DCC: variants seen among roughly 807,000 people sequenced by gnomAD.
DCC encodes DCC netrin 1 receptor.
In DCC, 58 loss-of-function variants were observed where a neutral mutation model predicts 172.5. The observed-to-expected ratio is 0.34, with a 90% confidence interval of 0.27 to 0.42. The LOEUF (loss-of-function observed/expected upper bound fraction) is 0.42, where lower values mean the gene tolerates loss of function less well. Among genes scored for constraint, DCC ranks in the 10% least tolerant of loss-of-function variants. The probability of loss-of-function intolerance (pLI) is 1.00; values close to 1 mark genes in which losing one functional copy is unlikely to be tolerated. For missense variants in DCC, 1,740 were observed against 1,791.0 expected (o/e 0.97, Z 0.51); for synonymous variants, 709 against 644.5 (o/e 1.10, Z -1.52).
At chr18:52,418,575 G>C (rs568711820) in intron 1 of DCC, among the ~76,000 whole-genome samples, 2 of 152,274 alleles carry the variant, frequency 1.3e-5, no homozygotes, top group East Asian at 3.9e-4. Flanking sequence ...CCCAGGTTTT[G>C]GTTAGGGGAG....
In DCC at chr18:52,718,248, T is replaced by C. The variant is rs145990524; in HGVS notation, c.92-33806T>C. Among the ~76,000 whole-genome samples the C allele has an allele frequency of 1.8e-3, 280 of 152,336 alleles. 2 individuals are homozygous for C. The highest frequency in any genetic ancestry group is 6.4e-3 in the African/African-American group (265 of 41,572). On this transcript the variant is annotated intron_variant, in intron 1 of 28. Transcript: ENST00000442544. ...GTGCTAAAAAAATTAGTTGATTTGA[T>C]TTAATTTGACTGGGGTATTGGTCAC...
At chr18:52,783,586 T>C (rs111664411) in intron 2 of DCC, among the ~76,000 whole-genome samples, 8,027 of 151,946 alleles carry the variant, frequency 0.053, 285 homozygotes, top group South Asian at 0.16. Flanking sequence ...ACAGTCCTTG[T>C]TCTCAAGCAT....
intron 12 of DCC, among the ~76,000 whole-genome samples, chr18:53,302,022 C>T (rs2057147596): frequency 6.6e-6 from 1 of 152,160 alleles, no homozygotes; most frequent in Non-Finnish European, 1.5e-5. Context: ...AGGCCTCGCT[C>T]ACTTGGCTTA....
chr18:52,853,406 A>G (rs2039006627), intron 2 of DCC, among the ~76,000 whole-genome samples: 1 of 152,240 alleles, frequency 6.6e-6, no homozygotes, highest in Admixed American at 6.5e-5. Context: ...TTGTTACAAT[A>G]CAGCGTATTG....
chr18:53,222,376 CTTTTTTCTTTTTTT>C (rs1178963458), intron 12 of DCC, among the ~76,000 whole-genome samples: 3 of 98,572 alleles, frequency 3.0e-5, no homozygotes, highest in African/African-American at 1.8e-4. Context: ...TTTTCTTTTT[CTTTTTTCTTTTTTT>C]TTTTTTTTTT....
At chr18:53,347,829 T>G (rs1029330475) in intron 15 of DCC, among the ~76,000 whole-genome samples, 3 of 152,028 alleles carry the variant, frequency 2.0e-5, no homozygotes, top group Non-Finnish European at 4.4e-5. Flanking sequence ...AACGCCCCTT[T>G]AAAAAACCAT....
intron 20 of DCC, among the ~76,000 whole-genome samples, chr18:53,412,743 G>A (rs556181069): frequency 1.6e-4 from 25 of 152,200 alleles, no homozygotes; most frequent in South Asian, 4.1e-4. Context: ...TGCAAGGATC[G>A]CAGCATTTTA....
chr18:53,373,727 C>T (rs1431477925), intron 15 of DCC, among the ~76,000 whole-genome samples: 1 of 151,962 alleles, frequency 6.6e-6, no homozygotes, highest in Non-Finnish European at 1.5e-5. Context: ...CACAACAAAC[C>T]CAAATTTTAG....
In DCC at chr18:53,427,949, TATATA is replaced by T. The variant is rs1184913304; in HGVS notation, c.3164-7186_3164-7182del. ...TATAATATAATATAATATATTATAA[TATATA>T]ATATAATAATATAATATATAATATA... On this transcript the variant is annotated intron_variant, in intron 21 of 28. Coordinates refer to ENST00000442544, the MANE Select transcript of DCC (RefSeq NM_005215.4). Among the ~76,000 whole-genome samples, 8 of 70,890 alleles carry T rather than the reference TATATA, an allele frequency of 1.1e-4. 1 individual carries two copies. The highest frequency in any genetic ancestry group is 1.8e-4 in the African/African-American group (4 of 22,576). The allele number at this position is 70,890 out of a possible 152,430, so 46.5% of individuals were successfully genotyped here.
intron 1 of DCC, among the ~76,000 whole-genome samples, chr18:52,368,494 G>A (rs565357534): frequency 3.9e-5 from 6 of 152,206 alleles, no homozygotes; most frequent in South Asian, 2.1e-4. Context: ...CTCCCTATGC[G>A]TCATTCTGCA....
chr18:53,138,595 C>T (rs1038178578), intron 7 of DCC, among the ~76,000 whole-genome samples: 1 of 152,190 alleles, frequency 6.6e-6, no homozygotes, highest in African/African-American at 2.4e-5. Flanking sequence ...GTGATTCATA[C>T]AGTGGTAGCT....
At chr18:52,451,397 G>T (rs935622614) in intron 1 of DCC, among the ~76,000 whole-genome samples, 1 of 152,116 alleles carries the variant, frequency 6.6e-6, no homozygotes, top group African/African-American at 2.4e-5. Context: ...GGAGGCAAGG[G>T]ATTCAAAAAG....
At chr18:52,549,727 C>A (rs1568224473) in intron 1 of DCC, among the ~76,000 whole-genome samples, 1 of 152,000 alleles carries the variant, frequency 6.6e-6, no homozygotes, top group Admixed American at 6.6e-5. Flanking sequence ...CATCTTTTGC[C>A]ATGCATGACA....
intron 1 of DCC, among the ~76,000 whole-genome samples, chr18:52,642,067 TATATATATATATAC>T (rs2034913831): frequency 3.3e-4 from 3 of 9,150 alleles, no homozygotes; most frequent in African/African-American, 4.0e-4. Context: ...TGTGTGTATA[TATATATATATATAC>T]ACACACACAC....
intron 1 of DCC, among the ~76,000 whole-genome samples, chr18:52,386,415 C>T (rs1457879958): frequency 3.9e-5 from 6 of 152,042 alleles, no homozygotes; most frequent in Non-Finnish European, 7.4e-5. Context: ...TGGTAATCCT[C>T]ATATTAGTTT....
intron 25 of DCC, among the ~76,000 whole-genome samples, chr18:53,475,589 T>A (rs1050074769): frequency 2.0e-5 from 3 of 152,108 alleles, no homozygotes; most frequent in South Asian, 2.1e-4. Flanking sequence ...TGCACAGAAG[T>A]CAAGAACTGG....
intron 14 of DCC, among the ~76,000 whole-genome samples, chr18:53,330,096 A>G (rs1381709590): frequency 6.6e-6 from 1 of 152,196 alleles, no homozygotes; most frequent in Non-Finnish European, 1.5e-5. Context: ...AAGTCATCAC[A>G]TCTTATATAA....
intron 1 of DCC, among the ~76,000 whole-genome samples, chr18:52,615,456 G>A (rs1439399140): frequency 6.6e-6 from 1 of 152,168 alleles, no homozygotes; most frequent in Non-Finnish European, 1.5e-5. Context: ...ACCTTCAGAA[G>A]CTTCTAAGTC....
At chr18:52,458,364 C>A (rs979171627) in intron 1 of DCC, among the ~76,000 whole-genome samples, 1 of 152,076 alleles carries the variant, frequency 6.6e-6, no homozygotes, top group African/African-American at 2.4e-5. Context: ...CTCATTGTCC[C>A]CCCCTGACTG....
Sources: gnomAD v4.1 joint callset for allele counts (sites outside exome capture counted in the v4.1 genomes callset) on GRCh38, gnomAD v4.1.1 for gene constraint, MANE v1.5 for transcripts, NCBI Gene and HGNC (gene_info 2026-07-23, HGNC 2026-07-21) for gene names.